Variants in KHDRBS2 observed in about 807,000 individuals in gnomAD.
The protein encoded by KHDRBS2 is KH RNA binding domain containing, signal transduction associated 2.
Under a neutral mutation model 44.3 loss-of-function variants are expected in KHDRBS2, and 26 were observed. That is an observed-to-expected ratio of 0.59 (90% confidence interval 0.43 to 0.81). The LOEUF (loss-of-function observed/expected upper bound fraction) is 0.81, where lower values mean the gene tolerates loss of function less well. KHDRBS2 is among the 40% of genes least tolerant of loss of function. The pLI is 0.00. For missense variants in KHDRBS2, 476 were observed against 433.1 expected, an observed-to-expected ratio of 1.10 and a Z score of -0.88; for synonymous variants, 194 against 151.1, an observed-to-expected ratio of 1.28 and a Z score of -2.08.
intron 6 of KHDRBS2, among the ~76,000 whole-genome samples, chr6:61,830,818 G>T (rs1346342917): frequency 6.6e-6 from 1 of 152,152 alleles, no homozygotes; most frequent in African/African-American, 2.4e-5. Flanking sequence ...CTTGCTATTA[G>T]TCATGATAAT....
At chr6:62,078,485 G>A (rs1362009909) in intron 2 of KHDRBS2, among the ~76,000 whole-genome samples, 1 of 151,376 alleles carries the variant, frequency 6.6e-6, no homozygotes, top group African/African-American at 2.4e-5. Context: ...CTCTAGGAAG[G>A]GAATAATTTT....
intron 1 of KHDRBS2, among the ~76,000 whole-genome samples, chr6:62,261,437 T>A (rs1487787745): frequency 6.6e-6 from 1 of 151,904 alleles, no homozygotes; most frequent in Non-Finnish European, 1.5e-5. Context: ...ACATGAGCCA[T>A]GCATTACTAT....
At position 62,210,583 on chromosome 6, in the gene KHDRBS2, G is replaced by A. The variant is rs186850890; in HGVS notation, c.92-33271C>T. ...TGACCTCAGGTGATCCGCCCTCCTCGGCCTCCCAAAGTGCTGGGATTACAG... is the reference window on the plus strand; with the variant it reads ...TGACCTCAGGTGATCCGCCCTCCTCAGCCTCCCAAAGTGCTGGGATTACAG... On this transcript the variant is annotated intron_variant, in intron 1 of 8. Transcript: ENST00000281156. Among the ~76,000 whole-genome samples, 251 of 151,766 alleles carry A rather than the reference G, an allele frequency of 1.7e-3. 1 individual carries two copies. Among genetic ancestry groups the A allele is most frequent in the African/African-American group, 5.5e-3 (227 of 41,400 alleles).
the KHDRBS2 span, among the ~76,000 whole-genome samples, chr6:61,556,262 G>T: frequency 6.6e-6 from 1 of 152,198 alleles, no homozygotes; most frequent in Non-Finnish European, 1.5e-5. Flanking sequence ...GCTACTGGTG[G>T]CCATGCGTGC....
At chr6:62,095,781 T>C (rs1251437037) in intron 2 of KHDRBS2, among the ~76,000 whole-genome samples, 1 of 151,934 alleles carries the variant, frequency 6.6e-6, no homozygotes, top group Non-Finnish European at 1.5e-5. Context: ...CAAGTGGACA[T>C]TCTTGTCTTG....
intron 2 of KHDRBS2, among the ~76,000 whole-genome samples, chr6:62,069,056 GA>G (rs1324409208): frequency 6.6e-6 from 1 of 151,518 alleles, no homozygotes; most frequent in Non-Finnish European, 1.5e-5. Context: ...AGATTGGATT[GA>G]AATTGTCATC....
chr6:62,068,133 G>T lies in KHDRBS2; in HGVS notation c.220-20139C>A, dbSNP rs111455027. 1.8e-3 allele frequency among the ~76,000 whole-genome samples: 273 copies of T among 151,546 alleles called. 1 individual carries two copies. Among genetic ancestry groups the T allele is most frequent in the African/African-American group, 6.2e-3 (259 of 41,474 alleles). On this transcript the variant is annotated intron_variant, in intron 2 of 8. Transcript: ENST00000281156. Reference sequence around the variant, plus strand: ...CATCCAATTGTTTTCCAAAGTGGCTGCAAGATTTAACAGTCCCACCTGTAA... The same window carrying T: ...CATCCAATTGTTTTCCAAAGTGGCTTCAAGATTTAACAGTCCCACCTGTAA...
At chr6:61,762,328 G>A (rs1342450761) in intron 6 of KHDRBS2, among the ~76,000 whole-genome samples, 1 of 152,180 alleles carries the variant, frequency 6.6e-6, no homozygotes, top group Admixed American at 6.6e-5. Flanking sequence ...ACAGAACAGG[G>A]ATGGATTGTA....
intron 6 of KHDRBS2, among the ~76,000 whole-genome samples, chr6:61,829,819 G>A (rs1002078728): frequency 2.6e-5 from 4 of 152,128 alleles, no homozygotes; most frequent in African/African-American, 9.7e-5. Flanking sequence ...TGGACCCATA[G>A]TCTGGGACCC....
chr6:62,022,364 G>C (rs1246203424), intron 3 of KHDRBS2, among the ~76,000 whole-genome samples: 1 of 151,568 alleles, frequency 6.6e-6, no homozygotes, highest in Admixed American at 6.6e-5. Flanking sequence ...GTTTCCCAAA[G>C]GCTGTAGACC....
chr6:62,108,336 C>G (rs1040843602), intron 2 of KHDRBS2, among the ~76,000 whole-genome samples: 3 of 152,130 alleles, frequency 2.0e-5, no homozygotes, highest in African/African-American at 7.2e-5. Flanking sequence ...CAAAAAAACA[C>G]ATGAAAAAAT....
At chr6:61,775,244 C>T (rs1366085836) in intron 6 of KHDRBS2, among the ~76,000 whole-genome samples, 2 of 151,922 alleles carry the variant, frequency 1.3e-5, no homozygotes, top group African/African-American at 2.4e-5. Flanking sequence ...GACAGGGATG[C>T]CCTCTCTCAC....
At chr6:61,807,651 C>A (rs949690798) in intron 6 of KHDRBS2, among the ~76,000 whole-genome samples, 3 of 151,944 alleles carry the variant, frequency 2.0e-5, no homozygotes, top group African/African-American at 4.8e-5. Flanking sequence ...GAACAACAGA[C>A]ACTAGGGCCT....
chr6:61,971,927 C>T (rs1406884485), intron 4 of KHDRBS2, among the ~76,000 whole-genome samples: 1 of 152,126 alleles, frequency 6.6e-6, no homozygotes, highest in African/African-American at 2.4e-5. Flanking sequence ...AGGTCAGTGG[C>T]TCATGTACCA....
the KHDRBS2 span, among the ~76,000 whole-genome samples, chr6:61,614,130 G>C: frequency 6.6e-6 from 1 of 152,174 alleles, no homozygotes; most frequent in Non-Finnish European, 1.5e-5. Context: ...CAAATAGTGA[G>C]AACCTCACTA....
chr6:61,722,781 C>G (rs1372475653), intron 7 of KHDRBS2, among the ~76,000 whole-genome samples: 1 of 151,618 alleles, frequency 6.6e-6, no homozygotes, highest in Non-Finnish European at 1.5e-5. Context: ...GCGATCTTGG[C>G]TCACTCTAAG....
At chr6:61,980,046 C>T (rs1773518490) in intron 3 of KHDRBS2, among the ~76,000 whole-genome samples, 1 of 152,068 alleles carries the variant, frequency 6.6e-6, no homozygotes. Flanking sequence ...ACATGACTAG[C>T]TCATTATGGA....
At chr6:61,832,245 C>CA (rs1039668702) in intron 6 of KHDRBS2, among the ~76,000 whole-genome samples, 7 of 151,690 alleles carry the variant, frequency 4.6e-5, no homozygotes, top group Non-Finnish European at 8.8e-5. Flanking sequence ...AAAGAAACAA[C>CA]AAAAAAAGGA....
chr6:62,026,665 T>A (rs1783400107), intron 3 of KHDRBS2, among the ~76,000 whole-genome samples: 1 of 151,832 alleles, frequency 6.6e-6, no homozygotes, highest in Non-Finnish European at 1.5e-5. Flanking sequence ...GAAATCCACC[T>A]GCCTCAGCCT....
Sources: gnomAD v4.1 joint callset for allele counts (sites outside exome capture counted in the v4.1 genomes callset) on GRCh38, gnomAD v4.1.1 for gene constraint, MANE v1.5 for transcripts, NCBI Gene and HGNC (gene_info 2026-07-23, HGNC 2026-07-21) for gene names.